The following ANKRD2 variants were observed in gnomAD, a reference collection of about 807,000 sequenced individuals.
The protein encoded by ANKRD2 is ankyrin repeat domain-containing protein 2.
A neutral mutation model predicts 37.3 loss-of-function variants in ANKRD2; 35 were observed. The ratio of observed to expected loss-of-function variants is 0.94; its 90% CI spans 0.72 to 1.24. The LOEUF (loss-of-function observed/expected upper bound fraction) is 1.24. ANKRD2 is among the 50% of genes most tolerant of loss of function. The probability of loss-of-function intolerance (pLI) is 0.00; values close to 1 mark genes in which losing one functional copy is unlikely to be tolerated. For synonymous variants in ANKRD2, 159 were observed against 186.5 expected (o/e 0.85, Z 1.20); for missense variants, 410 against 445.6 (o/e 0.92, Z 0.72).
At chr10:97,580,574 G>A (rs1166600399) in intron 4 of ANKRD2, among the ~76,000 whole-genome samples, 1 of 152,192 alleles carries the variant, frequency 6.6e-6, no homozygotes, top group Admixed American at 6.5e-5. Context: ...GCACTCCCAG[G>A]AAGTGAGGGC....
At chr10:97,572,668 CAGGT>C (rs1304108110), upstream of ANKRD2, 2 of 1,571,948 alleles carry the variant, frequency 1.3e-6, no homozygotes, top group Non-Finnish European at 1.7e-6. Flanking sequence ...GTGAAGGTGA[CAGGT>C]GGGGGAGGCA....
chr10:97,582,830 A>C (rs1371278684), intron 8 of ANKRD2, 128 bp downstream of exon 8: 4 of 753,996 alleles, frequency 5.3e-6, no homozygotes, highest in Non-Finnish European at 9.0e-6. Flanking sequence ...ACCATAGTAC[A>C]TAAACTTGTC....
chr10:97,582,979 A>G (rs921725894), intron 8 of ANKRD2, among the ~76,000 whole-genome samples: 7 of 152,214 alleles, frequency 4.6e-5, no homozygotes, highest in Admixed American at 1.3e-4. Context: ...GGGGTCCTCA[A>G]GTACTGGCCC....
At chr10:97,577,267 G>T (rs989810049) in intron 1 of ANKRD2, among the ~76,000 whole-genome samples, 1 of 152,150 alleles carries the variant, frequency 6.6e-6, no homozygotes, top group African/African-American at 2.4e-5. Context: ...GCCTCCCAAA[G>T]TGCTGGGATT....
At position 97,580,937 on chromosome 10, in the gene ANKRD2, T is replaced by G. The variant is rs558446247; in HGVS notation, c.539T>G (p.Val180Gly). 3.6e-5 allele frequency: 57 copies of G among 1,597,478 alleles called. No homozygotes were observed. Among genetic ancestry groups the G allele is most frequent in the Non-Finnish European group, 4.6e-5 (54 of 1,172,238 alleles). The change falls in exon 5 of 9, where the codon GTG becomes GGG. Residue 180 changes from valine (V) to glycine (G), a missense_variant. Coordinates refer to ENST00000370655, the MANE Select transcript of ANKRD2 (RefSeq NM_001346793.2). Reference protein sequence around the residue: ...LEKLLDNGATVDFQDRLDCTA... With the variant: ...LEKLLDNGATGDFQDRLDCTA... ...AAGCTTCTAGATAATGGGGCCACTG[T>G]GGACTTCCAGGATCGGGTGAGTGAG... is the stretch of plus-strand genomic sequence containing the variant.
In ANKRD2 at chr10:97,578,025, C is replaced by A. The variant is rs529947562; in HGVS notation, c.189+124C>A. On this transcript the variant is annotated intron_variant, in intron 2 of 8. Transcript: ENST00000370655. ...AGCACCCCCGGTAGAGCTTGCTAGC[C>A]CTGCAGAATCTCCGCCCCGTCCCAG... 60 of 1,100,826 alleles carry A rather than the reference C, an allele frequency of 5.5e-5. 1 individual carries two copies. In the South Asian group the frequency reaches 9.7e-4, roughly 18 times the overall value. The allele number at this position is 1,100,826 out of a possible 1,614,324, so 68.2% of individuals were successfully genotyped here. A position where few individuals can be genotyped will look rare whatever the true frequency, so the allele number is the denominator to read the frequency against.
rs2040915254 is a variant in ANKRD2, at chr10:97,582,626, A to G, written c.776A>G (p.Asp259Gly). 1.2e-6 allele frequency: 2 copies of G among 1,614,132 alleles called. No homozygotes were observed. The highest frequency in any genetic ancestry group is 1.7e-6 in the Non-Finnish European group (2 of 1,180,006). ...TAGGAAGGGGATACTGCCCTGCATG[A>G]CGCTGTGAGGCTCAACCGCTACAAA... Reference protein sequence around the residue: ...RDREGDTALHDAVRLNRYKII... With the variant: ...RDREGDTALHGAVRLNRYKII... The change falls in exon 8 of 9, where the codon GAC becomes GGC. Residue 259 changes from aspartate (D) to glycine (G), a missense_variant. Transcript: ENST00000370655.
chr10:97,583,735 C>G lies in ANKRD2; in HGVS notation c.*10C>G, dbSNP rs1458623109. 2 of 1,499,630 alleles carry G rather than the reference C, an allele frequency of 1.3e-6. No homozygotes were observed. Among genetic ancestry groups the G allele is most frequent in the Non-Finnish European group, 8.9e-7 (1 of 1,126,224 alleles). 92.9% of individuals were successfully genotyped at this position (1,499,630 alleles called of 1,614,324 possible). A position where few individuals can be genotyped will look rare whatever the true frequency, so the allele number is the denominator to read the frequency against. ...TGTGCCAGCCCAGTGAATGCGTGCC[C>G]CAGCCCAGCCAGCTACCCAGCCCCT... On this transcript the variant is annotated 3_prime_UTR_variant, in exon 9 of 9. Transcript: ENST00000370655.
intron 1 of ANKRD2, among the ~76,000 whole-genome samples, chr10:97,574,529 A>C (rs778610379): frequency 3.9e-5 from 6 of 152,198 alleles, no homozygotes; most frequent in Non-Finnish European, 4.4e-5. Context: ...GGAGCCACTA[A>C]ATGTTATTGA....
chr10:97,572,817 C>T lies in ANKRD2; in HGVS notation c.29C>T (p.Ala10Val), dbSNP rs147018759. 4.2e-5 allele frequency: 66 copies of T among 1,570,578 alleles called. No homozygotes were observed. Among genetic ancestry groups the T allele is most frequent in the East Asian group, 1.9e-4 (8 of 42,546 alleles). Residue 10 changes from alanine to valine, a missense_variant, in exon 1 of 9, where the codon GCG becomes GTG. Transcript: ENST00000370655. ...GACGGCACCATGGAGGACTCCGAGG[C>T]GGTGCAGAGGGCCACAGCGCTCATC... MDGTMEDSEAVQRATALIEQ... is the reference protein window; with the variant it reads MDGTMEDSEVVQRATALIEQ...
chr10:97,578,239 G>A lies in ANKRD2; in HGVS notation c.190-1G>A. On this transcript the variant is annotated splice_acceptor_variant, in intron 2 of 8. Coordinates refer to ENST00000370655, the MANE Select transcript of ANKRD2 (RefSeq NM_001346793.2). LOFTEE classifies it high-confidence loss of function. Reference sequence around the variant, plus strand: ...GGGGGTTGATGGGCCATCCCGCGCAGGGCCAAGAGCGCGTGCGCAAGACGT... The same window carrying A: ...GGGGGTTGATGGGCCATCCCGCGCAAGGCCAAGAGCGCGTGCGCAAGACGT... The A allele has an allele frequency of 6.9e-7, 1 of 1,443,716 alleles. No individual in the cohort carries two copies. Among genetic ancestry groups the A allele is most frequent in the East Asian group, 3.4e-5 (1 of 29,778 alleles). 89.4% of individuals were successfully genotyped at this position (1,443,716 alleles called of 1,614,324 possible).
chr10:97,578,047 C>G, intron 2 of ANKRD2, 146 bp downstream of exon 2: 1 of 1,078,278 alleles, frequency 9.3e-7, no homozygotes, highest in Non-Finnish European at 1.3e-6. Context: ...CCGCCCCGTC[C>G]CAGAACTACT....
At chr10:97,582,581 A>G in intron 7 of ANKRD2, 23 bp from the exon 8 acceptor site, 2 of 1,610,254 alleles carry the variant, frequency 1.2e-6, no homozygotes, top group Non-Finnish European at 1.7e-6. Context: ...CAAGGGCCAT[A>G]GTGAGTGCCA....
intron 1 of ANKRD2, among the ~76,000 whole-genome samples, chr10:97,577,085 C>T (rs1027067341): frequency 5.3e-5 from 8 of 152,032 alleles, no homozygotes; most frequent in African/African-American, 1.9e-4. Context: ...CTCACTGCAA[C>T]CTCCCCTTCC....
intron 2 of ANKRD2, 96 bp from the exon 3 acceptor site, chr10:97,578,144 G>GGGCCCCCCCCCCCCCCCCCCCCC: frequency 1.5e-6 from 1 of 685,444 alleles, no homozygotes; most frequent in Non-Finnish European, 2.5e-6. Context: ...GGGTCTTCCT[G>GGGCCCCCCCCCCCCCCCCCCCCC]CCCACCCCAC....
rs1011293931 is a variant in ANKRD2, at chr10:97,583,788, A to G, written c.*63A>G. The G allele has an allele frequency of 1.4e-6, 2 of 1,428,822 alleles. No individual in the cohort carries two copies. Among genetic ancestry groups the G allele is most frequent in the Admixed American group, 2.7e-5 (1 of 36,570 alleles). 88.5% of individuals were successfully genotyped at this position (1,428,822 alleles called of 1,614,324 possible). A position where few individuals can be genotyped will look rare whatever the true frequency, so the allele number is the denominator to read the frequency against. On this transcript the variant is annotated 3_prime_UTR_variant, in exon 9 of 9. Coordinates refer to ENST00000370655, the MANE Select transcript of ANKRD2 (RefSeq NM_001346793.2). ...CTGTGTGCAGCCGGAGGGTCCTAAG[A>G]ATGGCTCCCGGAGCTAACTGAGGGC... is the stretch of plus-strand genomic sequence containing the variant.
chr10:97,576,259 T>C (rs937451857), intron 1 of ANKRD2, among the ~76,000 whole-genome samples: 1 of 152,208 alleles, frequency 6.6e-6, no homozygotes, highest in Non-Finnish European at 1.5e-5. Flanking sequence ...CCCTCCAACC[T>C]GGGCAATTGT....
chr10:97,582,749 A>G, intron 8 of ANKRD2, 47 bp downstream of exon 8: 1 of 1,565,718 alleles, frequency 6.4e-7, no homozygotes, highest in Non-Finnish European at 8.8e-7. Flanking sequence ...GAGCACTCAT[A>G]CAGTGGAGGT....
In ANKRD2 at chr10:97,581,062, G is replaced by T; in HGVS notation, c.555+109G>T. ...CCTGAAGCATAAACAGGTTGCTCAG[G>T]TGCCAGACTCCACCTCAGTGGCTTA... On this transcript the variant is annotated intron_variant, in intron 5 of 8. Transcript: ENST00000370655. The T allele has an allele frequency of 9.7e-6, 10 of 1,035,086 alleles. No individual in the cohort carries two copies. In the South Asian group the frequency reaches 1.4e-4, roughly 14 times the overall value. 64.1% of individuals were successfully genotyped at this position (1,035,086 alleles called of 1,614,324 possible). A position where few individuals can be genotyped will look rare whatever the true frequency, so the allele number is the denominator to read the frequency against.
Sources: gnomAD v4.1 joint callset for allele counts (sites outside exome capture counted in the v4.1 genomes callset) on GRCh38, gnomAD v4.1.1 for gene constraint, MANE v1.5 for transcripts, NCBI Gene and HGNC (gene_info 2026-07-23, HGNC 2026-07-21) for gene names.